The following TUT4 variants were observed in gnomAD, a reference collection of about 807,000 sequenced individuals.
TUT4 encodes the protein terminal uridylyltransferase 4.
In TUT4, 36 loss-of-function variants were observed where a neutral mutation model predicts 192.2. The ratio of observed to expected loss-of-function variants is 0.19; its 90% CI spans 0.14 to 0.25. The LOEUF (loss-of-function observed/expected upper bound fraction) is 0.25. Among genes scored for constraint, TUT4 ranks in the 10% least tolerant of loss-of-function variants. TUT4 has a pLI of 1.00. For synonymous variants in TUT4, 618 were observed against 666.0 expected (o/e 0.93, Z 1.11); for missense variants, 1,493 against 1,957.2 (o/e 0.76, Z 4.47).
At chr1:52,466,210 A>G (rs1401981933) in intron 15 of TUT4, among the ~76,000 whole-genome samples, 2 of 152,212 alleles carry the variant, frequency 1.3e-5, no homozygotes, top group African/African-American at 4.8e-5. Context: ...ATGATTTTAT[A>G]TAATAGAGAC....
intron 27 of TUT4, chr1:52,432,859 TG>T (rs1652520611): frequency 6.6e-6 from 1 of 152,288 alleles, no homozygotes; most frequent in African/African-American, 2.4e-5. Context: ...AGGTCAAGAC[TG>T]CAGTGAGCCA....
intron 1 of TUT4, among the ~76,000 whole-genome samples, chr1:52,551,038 A>G (rs1689296899): frequency 6.7e-6 from 1 of 149,382 alleles, no homozygotes; most frequent in East Asian, 1.9e-4. Context: ...GCTCTTTGTT[A>G]ATCAGAGAAA....
chr1:52,540,244 C>T (rs1363651021), intron 1 of TUT4, among the ~76,000 whole-genome samples: 21 of 121,012 alleles, frequency 1.7e-4, no homozygotes, highest in South Asian at 5.4e-4. Context: ...TGGCCGGACG[C>T]GGTGGCTCAT....
intron 2 of TUT4, among the ~76,000 whole-genome samples, chr1:52,522,987 C>CTTTTTTTTT: frequency 1.1e-5 from 1 of 89,566 alleles, no homozygotes; most frequent in African/African-American, 4.6e-5. Context: ...CCTTAACTAT[C>CTTTTTTTTT]TTTTTTTTTT....
chr1:52,448,514 A>C (rs1317722967), intron 20 of TUT4, among the ~76,000 whole-genome samples: 1 of 145,686 alleles, frequency 6.9e-6, no homozygotes, highest in African/African-American at 2.5e-5. Context: ...GCTTGAACTC[A>C]GGAGATTGAG....
intron 27 of TUT4, chr1:52,431,960 G>C (rs1451362722): frequency 6.6e-6 from 1 of 152,584 alleles, no homozygotes; most frequent in East Asian, 1.9e-4. Context: ...TGTCCCTCAG[G>C]ATATGCAGGG....
At chr1:52,509,139 G>A (rs775218980) in intron 4 of TUT4, among the ~76,000 whole-genome samples, 1 of 152,092 alleles carries the variant, frequency 6.6e-6, no homozygotes, top group Non-Finnish European at 1.5e-5. Flanking sequence ...CACTTTCTCA[G>A]AGAAACCTCC....
At chr1:52,437,183 A>G (rs1430428499) in intron 25 of TUT4, 1 of 527,838 alleles carries the variant, frequency 1.9e-6, no homozygotes, top group Non-Finnish European at 3.1e-6. Context: ...ATATTATATT[A>G]AATTTTTTAA....
intron 24 of TUT4, among the ~76,000 whole-genome samples, chr1:52,444,632 C>T (rs2148423196): frequency 6.7e-6 from 1 of 150,106 alleles, no homozygotes; most frequent in East Asian, 1.9e-4. Flanking sequence ...CTGGGGAAGG[C>T]ACATCTGCAC....
At chr1:52,506,189 C>G (rs1214657628) in intron 4 of TUT4, among the ~76,000 whole-genome samples, 3 of 152,138 alleles carry the variant, frequency 2.0e-5, no homozygotes, top group Non-Finnish European at 4.4e-5. Flanking sequence ...ATGACACATT[C>G]ATTCCTCTAA....
chr1:52,478,243 T>C (rs1667589524), intron 11 of TUT4, among the ~76,000 whole-genome samples: 1 of 152,166 alleles, frequency 6.6e-6, no homozygotes, highest in Non-Finnish European at 1.5e-5. Context: ...TTTTTAAAGC[T>C]CCCTTAAGTA....
chr1:52,504,700 C>A (rs1024180976), intron 4 of TUT4, among the ~76,000 whole-genome samples: 7 of 152,024 alleles, frequency 4.6e-5, no homozygotes, highest in Admixed American at 2.6e-4. Context: ...ACACAGAACA[C>A]AAATGCAAAA....
intron 2 of TUT4, among the ~76,000 whole-genome samples, chr1:52,520,552 A>C (rs971263051): frequency 3.9e-5 from 6 of 152,192 alleles, no homozygotes; most frequent in Non-Finnish European, 5.9e-5. Context: ...CTGCATTTTA[A>C]TATGAATCCC....
Position 52,431,292 on chromosome 1 carries a change from G to T in TUT4, c.4432C>A (p.Pro1478Thr), listed in dbSNP as rs116145055. Reference sequence around the variant, plus strand: ...GAATACTGAGCTGGTGGTGACTGGGGAAAGTTATACAGTGGCATCTGGACC... The same window carrying T: ...GAATACTGAGCTGGTGGTGACTGGGTAAAGTTATACAGTGGCATCTGGACC... ...HQVQMPLYNFPQSPPAQYSPM... is the reference protein window; with the variant it reads ...HQVQMPLYNFTQSPPAQYSPM... The change falls in exon 28 of 30, where the codon CCC becomes ACC. Residue 1478 changes from proline (P) to threonine (T), a missense_variant. Physicochemically the swap from Pro to Thr is conservative, Grantham distance 38. This residue lies in a region of TUT4 where 351 missense variants were observed against 397.8 expected (regional missense o/e 0.88). Transcript: ENST00000257177. The T allele has an allele frequency of 3.1e-6, 5 of 1,614,194 alleles. No individual in the cohort carries two copies. Among genetic ancestry groups the T allele is most frequent in the South Asian group, 1.1e-5 (1 of 91,086 alleles).
At chr1:52,488,386 T>C (rs762984037) in intron 9 of TUT4, among the ~76,000 whole-genome samples, 1 of 152,124 alleles carries the variant, frequency 6.6e-6, no homozygotes, top group Non-Finnish European at 1.5e-5. Flanking sequence ...ATCAAAGAAA[T>C]AAACACAGGG....
chr1:52,455,603 C>A (rs866394517), intron 20 of TUT4, among the ~76,000 whole-genome samples: 21 of 77,752 alleles, frequency 2.7e-4, no homozygotes, highest in Admixed American at 3.7e-4. Context: ...TGAGACGCTA[C>A]CTTTAAAAAA....
intron 28 of TUT4, among the ~76,000 whole-genome samples, chr1:52,429,451 G>A (rs1439013093): frequency 1.3e-5 from 2 of 151,620 alleles, no homozygotes; most frequent in African/African-American, 2.4e-5. Flanking sequence ...AGGAGGCTAA[G>A]GCAGGAGGAG....
intron 1 of TUT4, among the ~76,000 whole-genome samples, chr1:52,527,046 A>T (rs1681980588): frequency 6.6e-6 from 1 of 152,050 alleles, no homozygotes; most frequent in Non-Finnish European, 1.5e-5. Context: ...GAGAATCCCA[A>T]TCTTTATGTG....
intron 1 of TUT4, among the ~76,000 whole-genome samples, chr1:52,529,318 A>T (rs1306901338): frequency 6.6e-6 from 1 of 152,212 alleles, no homozygotes; most frequent in African/African-American, 2.4e-5. Context: ...ATTTTTATAC[A>T]TATGAATTTG....
Sources: allele counts gnomAD v4.1 joint callset (sites outside exome capture counted in the v4.1 genomes callset), GRCh38; gene constraint gnomAD v4.1.1; regional missense constraint gnomAD v4.1.1; transcripts MANE v1.5; gene names NCBI Gene and HGNC (gene_info 2026-07-23, HGNC 2026-07-21).